RECQL5: variants seen among roughly 807,000 people sequenced by gnomAD.
RECQL5 encodes the protein RecQ like helicase 5.
Under a neutral mutation model 103.4 loss-of-function variants are expected in RECQL5, and 88 were observed. The ratio of observed to expected loss-of-function variants is 0.85; its 90% confidence interval spans 0.72 to 1.02. RECQL5 has a LOEUF of 1.02. RECQL5 is among the 50% of genes least tolerant of loss of function. The pLI, the probability that RECQL5 is intolerant of heterozygous loss-of-function variation, is 0.00. For synonymous variants in RECQL5, 552 were observed against 507.9 expected (o/e 1.09, Z -1.17); for missense variants, 1,232 against 1,284.3 (o/e 0.96, Z 0.62).
At chr17:75,641,934 T>TGGA (rs1447218298) in intron 8 of RECQL5, among the ~76,000 whole-genome samples, 16 of 152,190 alleles carry the variant, frequency 1.1e-4, no homozygotes, top group African/African-American at 2.2e-4. Flanking sequence ...ATCCTGGTAC[T>TGGA]GCTTCCTGGG....
At position 75,629,272 on chromosome 17, in the gene RECQL5, A is replaced by T; in HGVS notation, c.2151T>A (p.Pro717=). The change falls in exon 16 of 20, where the codon CCT becomes CCA. Residue 717 remains proline (P), a synonymous_variant. Transcript: ENST00000317905. Reference sequence around the variant, plus strand: ...GCCCCCCATAGTGAGCGCTGCCTCCAGGGACCTCCCCTCTGGGCCCAGGGA... The same window carrying T: ...GCCCCCCATAGTGAGCGCTGCCTCCTGGGACCTCCCCTCTGGGCCCAGGGA... The part of the protein sequence containing the change: ...EPLPGPRGEV[P]GGSAHYGGPS... The T allele has an allele frequency of 6.2e-7, 1 of 1,605,400 alleles. No homozygotes were observed. Among genetic ancestry groups the T allele is most frequent in the Non-Finnish European group, 8.5e-7 (1 of 1,174,690 alleles).
intron 14 of RECQL5, 76 bp downstream of exon 14, chr17:75,630,108 A>G (rs1381376085): frequency 7.0e-6 from 9 of 1,290,384 alleles, no homozygotes; most frequent in Non-Finnish European, 8.5e-6. Flanking sequence ...GAGCCCAGAG[A>G]GCTGGCAGAC....
intron 14 of RECQL5, 63 bp downstream of exon 14, chr17:75,630,121 C>T: frequency 7.3e-7 from 1 of 1,364,826 alleles, no homozygotes; most frequent in Non-Finnish European, 9.9e-7. Flanking sequence ...TGGCAGACAG[C>T]TTCTGCGTCA....
chr17:75,662,698 T>C lies in RECQL5; in HGVS notation c.552A>G (p.Gly184=). Residue 184 remains glycine, a synonymous_variant, in exon 4 of 20, where the codon GGA becomes GGG. Transcript: ENST00000317905. ...LRLGALRSRL[G]HAPCVALTAT... ...CGGTCAGAGCCACACAAGGGGCATG[T>C]CCCAGGCGGGAGCGCAGGGCACCCA... 6.2e-7 allele frequency: 1 copy of C among 1,614,044 alleles called. No individual in the cohort carries two copies. The highest frequency in any genetic ancestry group is 8.5e-7 in the Non-Finnish European group (1 of 1,180,028).
Position 75,630,703 on chromosome 17 carries a change from A to G in RECQL5, c.1645-11T>C. 1 of 1,613,116 alleles carries G rather than the reference A, an allele frequency of 6.2e-7. No homozygotes were observed. The highest frequency in any genetic ancestry group is 8.5e-7 in the Non-Finnish European group (1 of 1,179,576). Reference sequence around the variant, plus strand: ...GCAGTGCTCCCGTGCCTGGCACAGGACAGTGAGACTGGTCGCATGGCCTCG... The same window carrying G: ...GCAGTGCTCCCGTGCCTGGCACAGGGCAGTGAGACTGGTCGCATGGCCTCG... On this transcript the variant is annotated splice_polypyrimidine_tract_variant and intron_variant, in intron 12 of 19. Coordinates refer to ENST00000317905, the MANE Select transcript of RECQL5 (RefSeq NM_004259.7).
intron 8 of RECQL5, 134 bp downstream of exon 8, chr17:75,651,052 A>G: frequency 6.3e-7 from 1 of 1,575,122 alleles, no homozygotes; most frequent in Non-Finnish European, 8.6e-7. Flanking sequence ...ACACTGCCCG[A>G]CACAACAGCC....
At chr17:75,631,090 A>G (rs1012126161) in intron 10 of RECQL5, 60 bp downstream of exon 10, 23 of 1,609,696 alleles carry the variant, frequency 1.4e-5, no homozygotes, top group Non-Finnish European at 1.9e-5. Flanking sequence ...GAAGGGGCTG[A>G]GAGGTGCGAG....
intron 8 of RECQL5, chr17:75,647,424 G>C: frequency 1.9e-6 from 3 of 1,550,000 alleles, no homozygotes; most frequent in Non-Finnish European, 2.6e-6. Context: ...ATGCGTTCTG[G>C]CAGAACCCCT....
intron 2 of RECQL5, 112 bp from the exon 3 acceptor site, chr17:75,665,284 G>C: frequency 1.0e-6 from 1 of 960,410 alleles, no homozygotes; most frequent in Non-Finnish European, 1.6e-6. Flanking sequence ...TGGCACATGG[G>C]AGGGTCTCGA....
chr17:75,629,282 C>T lies in RECQL5; in HGVS notation c.2141G>A (p.Gly714Glu). 1 of 1,596,582 alleles carries T rather than the reference C, an allele frequency of 6.3e-7. No homozygotes were observed. Among genetic ancestry groups the T allele is most frequent in the Non-Finnish European group, 8.6e-7 (1 of 1,169,426 alleles). ...GTGAGCGCTGCCTCCAGGGACCTCC[C>T]CTCTGGGCCCAGGGAGGGGCTCACT... is the stretch of plus-strand genomic sequence containing the variant. ...DGSEPLPGPR[G>E]EVPGGSAHYG... is the part of the protein sequence containing the mutation. Residue 714 changes from glycine (G) to glutamate (E), a missense_variant, in exon 16 of 20, where the codon GGG becomes GAG. By Grantham distance (98) the Gly-to-Glu change is moderately conservative (BLOSUM62 -2). Coordinates refer to ENST00000317905, the MANE Select transcript of RECQL5 (RefSeq NM_004259.7).
At chr17:75,642,816 T>C (rs1188246926) in intron 8 of RECQL5, among the ~76,000 whole-genome samples, 1 of 152,224 alleles carries the variant, frequency 6.6e-6, no homozygotes, top group Non-Finnish European at 1.5e-5. Flanking sequence ...TCAGCGATGT[T>C]AGGTAACTTG....
intron 8 of RECQL5, chr17:75,649,976 C>G (rs1186117734): frequency 7.1e-6 from 7 of 985,448 alleles, no homozygotes; most frequent in Admixed American, 6.1e-5. Flanking sequence ...GCGGAGCAGA[C>G]CCTGGGGACA....
chr17:75,627,074 C>T lies in RECQL5; in HGVS notation c.*348G>A. The stretch of plus-strand genomic sequence containing the variant: ...CCTGGGTAGGTTCCGATACCTTGGA[C>T]AGGTGGGCCTCATCCTGACTTAGAA... On this transcript the variant is annotated 3_prime_UTR_variant, in exon 20 of 20. Coordinates refer to ENST00000317905, the MANE Select transcript of RECQL5 (RefSeq NM_004259.7). 2 of 462,986 alleles carry T rather than the reference C, an allele frequency of 4.3e-6. No individual in the cohort carries two copies. Among genetic ancestry groups the T allele is most frequent in the South Asian group, 3.2e-5 (2 of 61,958 alleles). The allele number at this position is 462,986 out of a possible 1,614,324, so 28.7% of individuals were successfully genotyped here.
intron 8 of RECQL5, among the ~76,000 whole-genome samples, chr17:75,647,083 T>C (rs887076736): frequency 6.6e-6 from 1 of 152,198 alleles, no homozygotes; most frequent in African/African-American, 2.4e-5. Context: ...CACTTGCTAC[T>C]CAGGAAAGAA....
chr17:75,636,662 T>G lies in RECQL5; in HGVS notation c.1230-4994A>C, dbSNP rs1353131002. 2 of 152,260 alleles carry G rather than the reference T, an allele frequency of 1.3e-5. No individual in the cohort carries two copies. The highest frequency in any genetic ancestry group is 4.8e-5 in the African/African-American group (2 of 41,440). 9.4% of individuals were successfully genotyped at this position (152,260 alleles called of 1,614,324 possible). A position where few individuals can be genotyped will look rare whatever the true frequency, so the allele number is the denominator to read the frequency against. On this transcript the variant is annotated intron_variant, in intron 8 of 19. Coordinates refer to ENST00000317905, the MANE Select transcript of RECQL5 (RefSeq NM_004259.7). This position sits in a 1 kb window ranked among gnomAD's most constrained non-coding sequence, Gnocchi z 5.4. ...ACCTGGGGACCGGCTGGAATGCGCCTCCTCCTCTTTAGAGAACAGGACCCC... is the reference window on the plus strand; with the variant it reads ...ACCTGGGGACCGGCTGGAATGCGCCGCCTCCTCTTTAGAGAACAGGACCCC...
intron 14 of RECQL5, 139 bp downstream of exon 14, chr17:75,630,045 C>G: frequency 1.1e-6 from 1 of 907,534 alleles, no homozygotes; most frequent in Non-Finnish European, 1.6e-6. Flanking sequence ...TGGAGCTCTA[C>G]CCCCATAAAC....
rs1568286231 is a variant in RECQL5 at position 75,662,840 on chromosome 17, G to A, written c.410C>T (p.Ser137Phe). Residue 137 changes from serine to phenylalanine, a missense_variant, in exon 4 of 20, where the codon TCC becomes TTC. Transcript: ENST00000317905. ...CAGGGAGTTCAGGGTGGGCTGGAAG[G>A]AGGATGAAGCTGCCATCTCTGGGGT... ...YITPEMAASS[S>F]FQPTLNSLVS... 1 of 1,614,054 alleles carries A rather than the reference G, an allele frequency of 6.2e-7. No homozygotes were observed. The highest frequency in any genetic ancestry group is 1.3e-5 in the African/African-American group (1 of 74,940).
chr17:75,642,311 T>C (rs989016022), intron 8 of RECQL5, among the ~76,000 whole-genome samples: 2 of 152,144 alleles, frequency 1.3e-5, no homozygotes, highest in Non-Finnish European at 2.9e-5. Context: ...CATGCTTCCA[T>C]CATCTTGGCC....
In RECQL5 at chr17:75,651,225, A is replaced by C; in HGVS notation, c.1190T>G (p.Met397Arg). Residue 397 changes from methionine (M) to arginine (R), a missense_variant, in exon 8 of 20, where the codon ATG becomes AGG. Transcript: ENST00000317905. ...GAAGGTCACCAGGGCATCAAAGGCC[A>C]TGATAGTGGCTTTATCAGATGCTTT... is the stretch of plus-strand genomic sequence containing the variant. ...GNKASDKATI[M>R]AFDALVTFCE... The C allele has an allele frequency of 1.2e-6, 2 of 1,614,240 alleles. 1 individual carries two copies. Among genetic ancestry groups the C allele is most frequent in the African/African-American group, 2.7e-5 (2 of 75,056 alleles).
Sources: allele counts gnomAD v4.1 joint callset (sites outside exome capture counted in the v4.1 genomes callset), GRCh38; gene constraint gnomAD v4.1.1; non-coding constraint Gnocchi (gnomAD v3.1); transcripts MANE v1.5; gene names NCBI Gene and HGNC (gene_info 2026-07-23, HGNC 2026-07-21).